KCNQ5: variants seen among roughly 807,000 people sequenced by gnomAD.
KCNQ5 encodes the protein potassium voltage-gated channel subfamily Q member 5.
A neutral mutation model predicts 98.2 loss-of-function variants in KCNQ5; 30 were observed. The observed-to-expected ratio is 0.31, with a 90% CI of 0.23 to 0.41. KCNQ5 has a LOEUF of 0.41. Ranked by LOEUF, KCNQ5 falls within the 10% of genes least tolerant of loss-of-function variation. The pLI, the probability that KCNQ5 is intolerant of heterozygous loss-of-function variation, is 1.00. For missense variants in KCNQ5, 835 were observed against 1,182.5 expected (o/e 0.71, Z 4.31); for synonymous variants, 458 against 449.4 (o/e 1.02, Z -0.24).
At chr6:73,128,562 T>C (rs748053584) in intron 9 of KCNQ5, among the ~76,000 whole-genome samples, 4 of 152,194 alleles carry the variant, frequency 2.6e-5, no homozygotes, top group Non-Finnish European at 5.9e-5. Context: ...ACAAGAAGGC[T>C]TTTCCTTCTA....
At chr6:72,734,312 TTTTGTTTGTTTG>T (rs149734979) in intron 1 of KCNQ5, among the ~76,000 whole-genome samples, 56,293 of 151,356 alleles carry the variant, frequency 0.37, 13,906 homozygotes, top group African/African-American at 0.67. Context: ...AATAACTAGT[TTTTGTTTGTTTG>T]TTTGTTTGTT....
chr6:72,792,090 C>A (rs1032526608), intron 1 of KCNQ5, among the ~76,000 whole-genome samples: 1 of 152,084 alleles, frequency 6.6e-6, no homozygotes, highest in South Asian at 2.1e-4. Context: ...TTGATTTGAG[C>A]TTCATTTCAT....
At chr6:72,740,773 C>T (rs1001409625) in intron 1 of KCNQ5, among the ~76,000 whole-genome samples, 2 of 152,130 alleles carry the variant, frequency 1.3e-5, no homozygotes, top group African/African-American at 4.8e-5. Flanking sequence ...CCATTTTGTG[C>T]CCTGAACCCT....
intron 1 of KCNQ5, among the ~76,000 whole-genome samples, chr6:72,649,973 T>G (rs1765794904): frequency 6.6e-6 from 1 of 152,126 alleles, no homozygotes; most frequent in Non-Finnish European, 1.5e-5. Context: ...TCATTGCAAG[T>G]GCTATGTTTT....
intron 1 of KCNQ5, among the ~76,000 whole-genome samples, chr6:72,949,764 G>T (rs1411478038): frequency 6.6e-6 from 1 of 152,054 alleles, no homozygotes; most frequent in East Asian, 1.9e-4. Flanking sequence ...AAATCATTAT[G>T]GGAATAAAAC....
rs188807445 is a variant in KCNQ5, at chr6:73,095,613, G to A, written c.919-9644G>A. Among the ~76,000 whole-genome samples, 184 of 152,276 alleles carry A rather than the reference G, an allele frequency of 1.2e-3. 1 individual carries two copies. Among genetic ancestry groups the A allele is most frequent in the African/African-American group, 4.2e-3 (173 of 41,560 alleles). Reference sequence around the variant, plus strand: ...TTCAGATTCTTTTGTACCACAGGGTGTTCCCTTGGTGTAGTACTCTCCCCC... The same window carrying A: ...TTCAGATTCTTTTGTACCACAGGGTATTCCCTTGGTGTAGTACTCTCCCCC... On this transcript the variant is annotated intron_variant, in intron 5 of 13. Coordinates refer to ENST00000370398, the MANE Select transcript of KCNQ5 (RefSeq NM_019842.4).
At chr6:72,856,660 G>A (rs182237099) in intron 1 of KCNQ5, among the ~76,000 whole-genome samples, 9 of 152,242 alleles carry the variant, frequency 5.9e-5, no homozygotes, top group East Asian at 1.9e-4. Flanking sequence ...AAGAAAATAC[G>A]TTAAATCTGA....
At chr6:72,658,011 G>A (rs977115819) in intron 1 of KCNQ5, among the ~76,000 whole-genome samples, 4 of 152,178 alleles carry the variant, frequency 2.6e-5, no homozygotes, top group Admixed American at 6.5e-5. Flanking sequence ...TCATAGCTAT[G>A]TTTTGTATTC....
intron 1 of KCNQ5, among the ~76,000 whole-genome samples, chr6:72,980,705 A>T (rs1469225427): frequency 6.6e-6 from 1 of 152,154 alleles, no homozygotes; most frequent in South Asian, 2.1e-4. Flanking sequence ...AACTTCCAAC[A>T]CTATGTTCAA....
intron 1 of KCNQ5, among the ~76,000 whole-genome samples, chr6:72,692,902 A>G (rs1490344271): frequency 6.6e-6 from 1 of 152,210 alleles, no homozygotes; most frequent in Non-Finnish European, 1.5e-5. Flanking sequence ...ACACCAAGAA[A>G]TTTGGACTTT....
At chr6:72,961,453 T>TA (rs1385555110) in intron 1 of KCNQ5, among the ~76,000 whole-genome samples, 2 of 151,044 alleles carry the variant, frequency 1.3e-5, no homozygotes, top group South Asian at 2.1e-4. Context: ...CCGTCTCTAC[T>TA]AAAAAAATAG....
At chr6:72,976,962 G>A (rs1390802765) in intron 1 of KCNQ5, among the ~76,000 whole-genome samples, 1 of 152,128 alleles carries the variant, frequency 6.6e-6, no homozygotes, top group South Asian at 2.1e-4. Context: ...ATTTTGCTGG[G>A]TATTGTTTCA....
intron 1 of KCNQ5, among the ~76,000 whole-genome samples, chr6:72,782,820 C>T (rs77319187): frequency 0.043 from 6,576 of 152,144 alleles, 444 homozygotes; most frequent in African/African-American, 0.15. Context: ...CTCGTAGGCT[C>T]TTACGTGCCT....
Position 73,194,752 on chromosome 6 carries a change from G to C in KCNQ5, c.2137G>C (p.Ala713Pro). 1 of 1,614,224 alleles carries C rather than the reference G, an allele frequency of 6.2e-7. No homozygotes were observed. The highest frequency in any genetic ancestry group is 8.5e-7 in the Non-Finnish European group (1 of 1,180,044). The change falls in exon 14 of 14, where the codon GCA (alanine) becomes CCA (proline). Residue 713 changes from alanine to proline, a missense_variant. Physicochemically the swap from Ala to Pro is conservative, Grantham distance 27. Transcript: ENST00000370398. Reference protein sequence around the residue: ...YALSPTMHSQATQVPISQSDG... With the variant: ...YALSPTMHSQPTQVPISQSDG... The stretch of plus-strand genomic sequence containing the variant: ...GCTTAGCCCTACTATGCACAGTCAA[G>C]CAACACAGGTGCCAATTAGTCAAAG...
At position 72,790,205 on chromosome 6, in the gene KCNQ5, T is replaced by C. The variant is rs115496305; in HGVS notation, c.398+167618T>C. ...CTTGGTCCAGCTCTTTTGTGCTCTA[T>C]AGAATGACTGTAATCACAAAATAAG... On this transcript the variant is annotated intron_variant, in intron 1 of 13. Coordinates refer to ENST00000370398, the MANE Select transcript of KCNQ5 (RefSeq NM_019842.4). Among the ~76,000 whole-genome samples the C allele has an allele frequency of 1.2e-3, 184 of 152,324 alleles. 2 individuals are homozygous for C. Among genetic ancestry groups the C allele is most frequent in the African/African-American group, 4.4e-3 (182 of 41,562 alleles).
chr6:73,010,453 G>A (rs912432271), intron 2 of KCNQ5, among the ~76,000 whole-genome samples: 1 of 151,948 alleles, frequency 6.6e-6, no homozygotes, highest in Non-Finnish European at 1.5e-5. Context: ...AGATCAGGAA[G>A]AAGGCAAGGA....
At chr6:72,920,263 G>T (rs1780333296) in intron 1 of KCNQ5, among the ~76,000 whole-genome samples, 1 of 152,140 alleles carries the variant, frequency 6.6e-6, no homozygotes, top group Admixed American at 6.6e-5. Context: ...CTGCACTCCA[G>T]CCTGGACAAC....
intron 1 of KCNQ5, among the ~76,000 whole-genome samples, chr6:72,658,349 T>G (rs1022186021): frequency 4.2e-5 from 6 of 143,182 alleles, no homozygotes; most frequent in African/African-American, 1.6e-4. Context: ...GGCATGGTCT[T>G]GGCTCACTGC....
chr6:72,902,219 T>C lies in KCNQ5; in HGVS notation c.399-101689T>C, dbSNP rs975788718. On this transcript the variant is annotated intron_variant, in intron 1 of 13. Transcript: ENST00000370398. Reference sequence around the variant, plus strand: ...ATCTGGAAACTTTGCTGAATTCTTTTATCAGTTCTAGGAACTTTCTGGAGA... The same window carrying C: ...ATCTGGAAACTTTGCTGAATTCTTTCATCAGTTCTAGGAACTTTCTGGAGA... 2.0e-5 allele frequency among the ~76,000 whole-genome samples: 3 copies of C among 152,260 alleles called. No homozygotes were observed. In the East Asian group the frequency reaches 5.8e-4, roughly 29 times the overall value.
Sources: gnomAD v4.1 joint callset for allele counts (sites outside exome capture counted in the v4.1 genomes callset) on GRCh38, gnomAD v4.1.1 for gene constraint, MANE v1.5 for transcripts, NCBI Gene and HGNC (gene_info 2026-07-23, HGNC 2026-07-21) for gene names.